ACTR2: variants seen among roughly 807,000 people sequenced by gnomAD.
The protein encoded by ACTR2 is actin related protein 2, also known as actin-related protein 2.
Under a neutral mutation model 50.2 loss-of-function variants are expected in ACTR2, and 5 were observed. The ratio of observed to expected loss-of-function variants is 0.10; its 90% CI spans 0.05 to 0.21. The LOEUF is 0.21. Among genes scored for constraint, ACTR2 ranks in the 10% least tolerant of loss-of-function variants. The pLI is 1.00. For missense variants in ACTR2, 180 were observed against 480.6 expected, an observed-to-expected ratio of 0.37 and a Z score of 5.85; for synonymous variants, 140 against 162.9, an observed-to-expected ratio of 0.86 and a Z score of 1.07.
chr2:65,237,754 G>A (rs754762660), intron 1 of ACTR2, among the ~76,000 whole-genome samples: 8 of 152,026 alleles, frequency 5.3e-5, no homozygotes, highest in African/African-American at 1.7e-4. Context: ...TTGGGAGGCC[G>A]AGGCAGGTGG....
At chr2:65,235,037 A>C (rs1671713722) in intron 1 of ACTR2, among the ~76,000 whole-genome samples, 1 of 152,166 alleles carries the variant, frequency 6.6e-6, no homozygotes, top group Non-Finnish European at 1.5e-5. Flanking sequence ...GACAGATGTT[A>C]TACAGAAATG....
rs760116016 is a variant in ACTR2 at position 65,268,556 on chromosome 2, T to C, written c.1015-8T>C. ...GTACCATTTCATTATCCTTTCTTTC[T>C]CCTTTAGAAATTTAAGATCCGCATT... On this transcript the variant is annotated splice_polypyrimidine_tract_variant and splice_region_variant and intron_variant, in intron 8 of 8. Transcript: ENST00000260641. The C allele has an allele frequency of 6.2e-7, 1 of 1,608,580 alleles. No individual in the cohort carries two copies. Among genetic ancestry groups the C allele is most frequent in the Non-Finnish European group, 8.5e-7 (1 of 1,178,224 alleles).
chr2:65,254,385 A>T (rs1459181851), intron 5 of ACTR2, among the ~76,000 whole-genome samples: 1 of 152,208 alleles, frequency 6.6e-6, no homozygotes, highest in African/African-American at 2.4e-5. Context: ...CATGGAATAG[A>T]TGCAGTTTTT....
intron 2 of ACTR2, 132 bp from the exon 3 acceptor site, chr2:65,246,392 A>G (rs868149950): frequency 1.5e-6 from 1 of 664,428 alleles, no homozygotes. Context: ...TGTTCTTGAT[A>G]GAAAAGATTT....
chr2:65,255,521 C>T lies in ACTR2; in HGVS notation c.586-24C>T, dbSNP rs374444962. ...AGAACTCATTCAGATGTATTATGAA[C>T]TTATTGCTATTGTTTTGTACCAGCT... On this transcript the variant is annotated intron_variant, in intron 5 of 8. Coordinates refer to ENST00000260641, the MANE Select transcript of ACTR2 (RefSeq NM_005722.4). 2.4e-5 allele frequency: 38 copies of T among 1,603,632 alleles called. 1 individual carries two copies. In the African/African-American group the frequency reaches 4.4e-4, roughly 19 times the overall value.
Position 65,245,340 on chromosome 2 carries a change from T to C in ACTR2, c.160-1184T>C, listed in dbSNP as rs1558623126. On this transcript the variant is annotated intron_variant, in intron 2 of 8. Coordinates refer to ENST00000260641, the MANE Select transcript of ACTR2 (RefSeq NM_005722.4). ...TTTGAGACCAGCTTGGCCAACATGG[T>C]GAAACCCCATCTCTACTAAAAATAC... Among the ~76,000 whole-genome samples the C allele has an allele frequency of 2.6e-5, 4 of 152,106 alleles. No homozygotes were observed. In the East Asian group the frequency reaches 7.8e-4, roughly 29 times the overall value.
chr2:65,236,880 C>G (rs913003433), intron 1 of ACTR2, among the ~76,000 whole-genome samples: 1 of 152,066 alleles, frequency 6.6e-6, no homozygotes, highest in Non-Finnish European at 1.5e-5. Flanking sequence ...TTCTGTCTAC[C>G]TTTGTTTTAT....
chr2:65,241,681 C>A (rs1671843172), intron 2 of ACTR2, among the ~76,000 whole-genome samples: 1 of 152,116 alleles, frequency 6.6e-6, no homozygotes, highest in Admixed American at 6.5e-5. Flanking sequence ...TAGACCTTTG[C>A]TGTTATCATT....
intron 7 of ACTR2, among the ~76,000 whole-genome samples, chr2:65,264,576 A>C (rs746177849): frequency 2.0e-5 from 3 of 152,218 alleles, no homozygotes; most frequent in Non-Finnish European, 4.4e-5. Context: ...AGAAGCATAC[A>C]CATCAGTCTA....
rs180714852 is a variant in ACTR2 at position 65,269,234 on chromosome 2, C to A, written c.*500C>A. 6.6e-6 allele frequency: 1 copy of A among 151,722 alleles called. No homozygotes were observed. The highest frequency in any genetic ancestry group is 2.4e-5 in the African/African-American group (1 of 41,198). The allele number at this position is 151,722 out of a possible 1,614,324, so 9.4% of individuals were successfully genotyped here. A position where few individuals can be genotyped will look rare whatever the true frequency, so the allele number is the denominator to read the frequency against. On this transcript the variant is annotated 3_prime_UTR_variant, in exon 9 of 9. Coordinates refer to ENST00000260641, the MANE Select transcript of ACTR2 (RefSeq NM_005722.4). ...AACTGTACTGCTGCAGCTTTAAGTA[C>A]CTTAAAGCTTCTCCTGTGAACTTCT...
intron 7 of ACTR2, among the ~76,000 whole-genome samples, chr2:65,264,716 TC>T (rs952638662): frequency 6.6e-6 from 1 of 152,210 alleles, no homozygotes; most frequent in Non-Finnish European, 1.5e-5. Context: ...AACAACCACA[TC>T]TTAGTGGCTT....
intron 2 of ACTR2, among the ~76,000 whole-genome samples, chr2:65,243,404 A>AG (rs1671878724): frequency 2.0e-5 from 3 of 152,120 alleles, no homozygotes; most frequent in Non-Finnish European, 4.4e-5. Flanking sequence ...ACGAGGTGGG[A>AG]GGATAGCTTG....
At chr2:65,265,327 A>G in intron 8 of ACTR2, 152 bp downstream of exon 8, 1 of 888,270 alleles carries the variant, frequency 1.1e-6, no homozygotes, top group South Asian at 1.5e-5. Flanking sequence ...GCAAGAAGGA[A>G]ATAGTTCAAG....
Position 65,255,571 on chromosome 2 carries a change from C to T in ACTR2, c.612C>T (p.Phe204=), listed in dbSNP as rs780483136. ...TACTTCTGTTGCGAGGATACGCCTT[C>T]AACCACTCTGCTGATTTTGAAACGG... The part of the protein sequence containing the change: ...IKLLLLRGYA[F]NHSADFETVR... Residue 204 remains phenylalanine (F), a synonymous_variant, in exon 6 of 9, where the codon TTC becomes TTT. Coordinates refer to ENST00000260641, the MANE Select transcript of ACTR2 (RefSeq NM_005722.4). 1.8e-5 allele frequency: 29 copies of T among 1,613,734 alleles called. No individual in the cohort carries two copies. Among genetic ancestry groups the T allele is most frequent in the Non-Finnish European group, 2.4e-5 (28 of 1,179,836 alleles).
At chr2:65,265,325 G>A in intron 8 of ACTR2, 150 bp downstream of exon 8, 1 of 896,460 alleles carries the variant, frequency 1.1e-6, no homozygotes, top group Non-Finnish European at 1.8e-6. Context: ...TAGCAAGAAG[G>A]AAATAGTTCA....
rs917067165 is a variant in ACTR2, at chr2:65,269,256, T to C, written c.*522T>C. 1 of 152,044 alleles carries C rather than the reference T, an allele frequency of 6.6e-6. No individual in the cohort carries two copies. The highest frequency in any genetic ancestry group is 1.5e-5 in the Non-Finnish European group (1 of 68,036). The allele number at this position is 152,044 out of a possible 1,614,324, so 9.4% of individuals were successfully genotyped here. ...GTACCTTAAAGCTTCTCCTGTGAAC[T>C]TCTTAGGGAAATGTTAGGTTCAGAA... On this transcript the variant is annotated 3_prime_UTR_variant, in exon 9 of 9. Transcript: ENST00000260641.
At chr2:65,252,290 G>T (rs1672066736) in intron 4 of ACTR2, among the ~76,000 whole-genome samples, 1 of 151,770 alleles carries the variant, frequency 6.6e-6, no homozygotes, top group African/African-American at 2.4e-5. Context: ...ACATTCAAGG[G>T]CTGTATATGA....
Position 65,268,957 on chromosome 2 carries a change from A to G in ACTR2, c.*223A>G. The G allele has an allele frequency of 4.3e-6, 2 of 464,482 alleles. No homozygotes were observed. Among genetic ancestry groups the G allele is most frequent in the Non-Finnish European group, 7.7e-6 (2 of 259,110 alleles). 28.8% of individuals were successfully genotyped at this position (464,482 alleles called of 1,614,324 possible). ...GCTTCCCTACATAGACTAGAGGGCT[A>G]AGGATTCTGTCTGCTGCTTTGTTTC... On this transcript the variant is annotated 3_prime_UTR_variant, in exon 9 of 9. Coordinates refer to ENST00000260641, the MANE Select transcript of ACTR2 (RefSeq NM_005722.4).
chr2:65,263,041 G>A (rs1287538605), intron 7 of ACTR2, among the ~76,000 whole-genome samples: 1 of 150,822 alleles, frequency 6.6e-6, no homozygotes, highest in Non-Finnish European at 1.5e-5. Flanking sequence ...ATATGTTTAA[G>A]GGACTTGTTT....
Sources: allele counts gnomAD v4.1 joint callset (sites outside exome capture counted in the v4.1 genomes callset), GRCh38; gene constraint gnomAD v4.1.1; transcripts MANE v1.5; gene names NCBI Gene and HGNC (gene_info 2026-07-23, HGNC 2026-07-21).